NCOA2: variants seen among roughly 807,000 people sequenced by gnomAD.
NCOA2 encodes nuclear receptor coactivator 2, also known as class E basic helix-loop-helix protein 75.
A neutral mutation model predicts 145.1 loss-of-function variants in NCOA2; 21 were observed. The observed-to-expected ratio is 0.14, with a 90% confidence interval of 0.10 to 0.21. The LOEUF is 0.21. Among genes scored for constraint, NCOA2 ranks in the 10% least tolerant of loss-of-function variants. NCOA2 has a pLI of 1.00. For missense variants in NCOA2, 1,472 were observed against 1,837.6 expected (o/e 0.80, Z 3.64); for synonymous variants, 619 against 637.5 (o/e 0.97, Z 0.44).
chr8:70,271,985 G>T (rs1285919520), intron 2 of NCOA2, among the ~76,000 whole-genome samples: 1 of 152,186 alleles, frequency 6.6e-6, no homozygotes, highest in Non-Finnish European at 1.5e-5. Flanking sequence ...TTGAAAAATT[G>T]TAGGAATTCT....
intron 1 of NCOA2, among the ~76,000 whole-genome samples, chr8:70,391,177 A>C (rs1563838428): frequency 6.6e-6 from 1 of 152,244 alleles, no homozygotes; most frequent in East Asian, 1.9e-4. Context: ...TGAAGTAGTC[A>C]AGTATTCAAG....
At chr8:70,264,703 T>C (rs1015899500) in intron 2 of NCOA2, among the ~76,000 whole-genome samples, 13 of 152,152 alleles carry the variant, frequency 8.5e-5, no homozygotes, top group Non-Finnish European at 7.4e-5. Context: ...ACTGCCGGAA[T>C]ACTTGAAATT....
rs578166751 is a variant in NCOA2 at position 70,199,125 on chromosome 8, G to A, written c.259+14778C>T. Among the ~76,000 whole-genome samples, 12 of 152,234 alleles carry A rather than the reference G, an allele frequency of 7.9e-5. No individual in the cohort carries two copies. In the South Asian group the frequency reaches 2.5e-3, roughly 32 times the overall value. On this transcript the variant is annotated intron_variant, in intron 4 of 22. Transcript: ENST00000452400. Reference sequence around the variant, plus strand: ...AGGTTTAGATGAGGAAAAAAAGCCAGTGAGTGAGGATGAATGTGGTACAGC... The same window carrying A: ...AGGTTTAGATGAGGAAAAAAAGCCAATGAGTGAGGATGAATGTGGTACAGC...
chr8:70,437,959 T>C, the NCOA2 span, among the ~76,000 whole-genome samples: 16 of 152,204 alleles, frequency 1.1e-4, no homozygotes, highest in Admixed American at 5.2e-4. Flanking sequence ...CAAACATTCA[T>C]AGGAAAAATG....
chr8:70,175,793 T>G (rs1199802557), intron 4 of NCOA2, among the ~76,000 whole-genome samples: 1 of 152,226 alleles, frequency 6.6e-6, no homozygotes, highest in Non-Finnish European at 1.5e-5. Context: ...ATGTTATCGT[T>G]GTAATTAAAC....
chr8:70,267,323 G>C (rs563264425), intron 2 of NCOA2, among the ~76,000 whole-genome samples: 328 of 151,524 alleles, frequency 2.2e-3, no homozygotes, highest in Non-Finnish European at 3.8e-3. Flanking sequence ...CTTTTACTAG[G>C]TTATTTTCAA....
intron 2 of NCOA2, among the ~76,000 whole-genome samples, chr8:70,238,654 T>C (rs1821862816): frequency 1.3e-5 from 2 of 152,226 alleles, no homozygotes; most frequent in South Asian, 4.1e-4. Flanking sequence ...CCTCAAAGTC[T>C]GTGGACTGTC....
In NCOA2 at chr8:70,131,934, T is replaced by G. The variant is rs776395695; in HGVS notation, c.3227A>C (p.Glu1076Ala). Residue 1076 changes from glutamate to alanine, a missense_variant, in exon 16 of 23, where the codon GAG becomes GCG. Transcript: ENST00000452400. ...PHPAAESPSD[E>A]GALLDQLYLA... Reference sequence around the variant, plus strand: ...ATACAGCTGGTCCAGGAGAGCTCCCTCATCACTCGGAGACTCAGCTGCAGG... The same window carrying G: ...ATACAGCTGGTCCAGGAGAGCTCCCGCATCACTCGGAGACTCAGCTGCAGG... 6.2e-7 allele frequency: 1 copy of G among 1,611,112 alleles called. No individual in the cohort carries two copies. The highest frequency in any genetic ancestry group is 8.5e-7 in the Non-Finnish European group (1 of 1,178,752).
intron 1 of NCOA2, among the ~76,000 whole-genome samples, chr8:70,361,713 T>C (rs1810217595): frequency 6.6e-6 from 1 of 152,226 alleles, no homozygotes; most frequent in South Asian, 2.1e-4. Flanking sequence ...TAGAGAAATC[T>C]GAAATAATCC....
At chr8:70,116,234 A>T (rs1807114216) in intron 22 of NCOA2, among the ~76,000 whole-genome samples, 1 of 148,472 alleles carries the variant, frequency 6.7e-6, no homozygotes, top group African/African-American at 2.5e-5. Flanking sequence ...TTGTTCAACA[A>T]ATAGAACCAA....
At chr8:70,351,909 A>G (rs1809282662) in intron 1 of NCOA2, among the ~76,000 whole-genome samples, 2 of 152,012 alleles carry the variant, frequency 1.3e-5, no homozygotes, top group Admixed American at 1.3e-4. Context: ...CTTTACAAGC[A>G]ACTAACTCTG....
At chr8:70,135,769 C>A (rs1809655762) in intron 15 of NCOA2, among the ~76,000 whole-genome samples, 1 of 152,092 alleles carries the variant, frequency 6.6e-6, no homozygotes, top group African/African-American at 2.4e-5. Context: ...AAAACACACA[C>A]AGGCCCCAGG....
At chr8:70,435,201 G>A in the NCOA2 span, among the ~76,000 whole-genome samples, 29 of 151,474 alleles carry the variant, frequency 1.9e-4, 1 homozygote, top group South Asian at 2.3e-3. Flanking sequence ...CGAGGCGGGC[G>A]GATCACGAGG....
rs546964271 is a variant in NCOA2, at chr8:70,359,048, T to C, written c.-77+44652A>G. ...GATAACCACTTTACACTCCCTAGGA[T>C]GGCTATATTACAATTTTTGAAAAAA... On this transcript the variant is annotated intron_variant, in intron 1 of 22. Coordinates refer to ENST00000452400, the MANE Select transcript of NCOA2 (RefSeq NM_006540.4). Among the ~76,000 whole-genome samples, 33 of 152,286 alleles carry C rather than the reference T, an allele frequency of 2.2e-4. No homozygotes were observed. The South Asian group carries it at 6.8e-3, about 32-fold the overall frequency.
chr8:70,388,129 A>C (rs1812839307), intron 1 of NCOA2, among the ~76,000 whole-genome samples: 1 of 151,216 alleles, frequency 6.6e-6, no homozygotes, highest in African/African-American at 2.5e-5. Context: ...CAGCAATAGT[A>C]AATAGAACTC....
At chr8:70,424,548 T>G in the NCOA2 span, 1 of 528,208 alleles carries the variant, frequency 1.9e-6, no homozygotes, top group South Asian at 1.4e-5. Flanking sequence ...CAAAATATGC[T>G]GGAATTTCTC....
At chr8:70,362,756 AGTTTAT>A (rs1157355463) in intron 1 of NCOA2, among the ~76,000 whole-genome samples, 2 of 152,152 alleles carry the variant, frequency 1.3e-5, no homozygotes, top group Non-Finnish European at 2.9e-5. Context: ...TTTCTTATAA[AGTTTAT>A]GTTTAACAAG....
At chr8:70,121,468 C>T in intron 21 of NCOA2, 77 bp from the exon 22 acceptor site, 1 of 1,138,500 alleles carries the variant, frequency 8.8e-7, no homozygotes, top group Non-Finnish European at 1.3e-6. Flanking sequence ...GTGGCCGCCG[C>T]CCTTCCTCTG....
At chr8:70,361,960 C>T (rs944299081) in intron 1 of NCOA2, among the ~76,000 whole-genome samples, 11 of 152,148 alleles carry the variant, frequency 7.2e-5, no homozygotes, top group Non-Finnish European at 1.6e-4. Context: ...TTTGACAAGC[C>T]GTATGGCCGC....
Sources: gnomAD v4.1 joint callset for allele counts (sites outside exome capture counted in the v4.1 genomes callset) on GRCh38, gnomAD v4.1.1 for gene constraint, MANE v1.5 for transcripts, NCBI Gene and HGNC (gene_info 2026-07-23, HGNC 2026-07-21) for gene names.